The following NCKAP5 variants were observed in gnomAD, a reference collection of about 807,000 sequenced individuals.
NCKAP5 encodes nck-associated protein 5.
Under a neutral mutation model 167.0 loss-of-function variants are expected in NCKAP5, and 92 were observed. That is an observed-to-expected ratio of 0.55 (90% CI 0.47 to 0.66). The LOEUF (loss-of-function observed/expected upper bound fraction) is 0.66, where lower values mean the gene tolerates loss of function less well. Ranked by LOEUF, NCKAP5 falls within the 30% of genes least tolerant of loss-of-function variation. The pLI is 0.00. For missense variants in NCKAP5, 2,378 were observed against 2,315.0 expected (o/e 1.03, Z -0.56); for synonymous variants, 891 against 877.4 (o/e 1.02, Z -0.27).
chr2:133,204,057 A>T (rs2085832424), intron 5 of NCKAP5, among the ~76,000 whole-genome samples: 1 of 152,162 alleles, frequency 6.6e-6, no homozygotes, highest in African/African-American at 2.4e-5. Flanking sequence ...ACAGTTTATG[A>T]CCCTAGTGTC....
intron 3 of NCKAP5, among the ~76,000 whole-genome samples, chr2:133,501,651 G>A (rs552850716): frequency 1.3e-5 from 2 of 152,216 alleles, no homozygotes; most frequent in Non-Finnish European, 2.9e-5. Context: ...TTCAGTCAAT[G>A]TGTTAGTTAG....
intron 2 of NCKAP5, among the ~76,000 whole-genome samples, chr2:133,551,998 T>C (rs929570913): frequency 1.5e-5 from 2 of 131,130 alleles, no homozygotes; most frequent in African/African-American, 3.1e-5. Context: ...GAAAAAATGC[T>C]CATCATCACT....
intron 3 of NCKAP5, among the ~76,000 whole-genome samples, chr2:133,413,602 A>G (rs752586383): frequency 1.1e-5 from 1 of 92,906 alleles, no homozygotes; most frequent in Admixed American, 1.1e-4. Flanking sequence ...AAAACCAGGT[A>G]AAAAAAAAAA....
chr2:132,922,267 A>G (rs1362610002), intron 8 of NCKAP5, among the ~76,000 whole-genome samples: 2 of 152,160 alleles, frequency 1.3e-5, no homozygotes, highest in Admixed American at 6.5e-5. Context: ...TCAGAGACCA[A>G]GAAACTTTGA....
chr2:132,966,003 C>T (rs369684736), intron 7 of NCKAP5, among the ~76,000 whole-genome samples: 2 of 151,394 alleles, frequency 1.3e-5, no homozygotes, highest in East Asian at 1.9e-4. Context: ...AAAGAAAAGC[C>T]ATTGGGGTGG....
At chr2:133,614,331 T>G in the NCKAP5 span, among the ~76,000 whole-genome samples, 11 of 152,074 alleles carry the variant, frequency 7.2e-5, no homozygotes, top group African/African-American at 2.7e-4. Context: ...GAAGAAGGCT[T>G]CAGAAGATCA....
intron 3 of NCKAP5, among the ~76,000 whole-genome samples, chr2:133,315,633 A>G (rs1681549907): frequency 7.5e-6 from 1 of 134,026 alleles, no homozygotes; most frequent in Non-Finnish European, 1.5e-5. Flanking sequence ...TTGAGAGGAG[A>G]AAAAAAAAAA....
At chr2:133,468,502 A>C (rs1692778057) in intron 3 of NCKAP5, among the ~76,000 whole-genome samples, 1 of 151,700 alleles carries the variant, frequency 6.6e-6, no homozygotes. Context: ...TTTGGGGTGG[A>C]GAGTTCTGTA....
chr2:133,355,422 A>G (rs1198899801), intron 3 of NCKAP5, among the ~76,000 whole-genome samples: 1 of 152,230 alleles, frequency 6.6e-6, no homozygotes, highest in Non-Finnish European at 1.5e-5. Context: ...TTCTCAAGAT[A>G]TAAGATGCTA....
intron 5 of NCKAP5, among the ~76,000 whole-genome samples, chr2:133,148,675 C>G (rs986876073): frequency 9.2e-5 from 14 of 152,202 alleles, no homozygotes; most frequent in African/African-American, 3.4e-4. Flanking sequence ...GGTGAGGGCT[C>G]TCTTCCTGGT....
chr2:133,303,207 A>G (rs757655581), intron 3 of NCKAP5, 97 bp from the exon 4 acceptor site: 33 of 776,676 alleles, frequency 4.2e-5, no homozygotes, highest in Non-Finnish European at 6.2e-5. Flanking sequence ...TTTTGACAAC[A>G]TTATCCCTAC....
At chr2:133,317,222 A>T (rs771883191) in intron 3 of NCKAP5, among the ~76,000 whole-genome samples, 6 of 152,192 alleles carry the variant, frequency 3.9e-5, no homozygotes, top group Non-Finnish European at 8.8e-5. Context: ...GATTGACAAA[A>T]GCTGCAAAAC....
chr2:133,115,041 G>T (rs139158486), intron 6 of NCKAP5, among the ~76,000 whole-genome samples: 1 of 152,128 alleles, frequency 6.6e-6, no homozygotes, highest in Admixed American at 6.5e-5. Flanking sequence ...GGATGATTTA[G>T]TTACAGGTCT....
At chr2:133,160,321 T>C (rs2083734163) in intron 5 of NCKAP5, among the ~76,000 whole-genome samples, 1 of 151,586 alleles carries the variant, frequency 6.6e-6, no homozygotes, top group South Asian at 2.1e-4. Context: ...TGTACATTTA[T>C]AGGGTTCACT....
chr2:132,822,015 G>T (rs1686781165), intron 11 of NCKAP5, among the ~76,000 whole-genome samples: 1 of 152,114 alleles, frequency 6.6e-6, no homozygotes, highest in African/African-American at 2.4e-5. Context: ...AAAATACTCT[G>T]GCCATCTTAG....
At chr2:132,939,289 C>G (rs1005781477) in intron 8 of NCKAP5, among the ~76,000 whole-genome samples, 3 of 152,160 alleles carry the variant, frequency 2.0e-5, no homozygotes, top group African/African-American at 7.2e-5. Flanking sequence ...AGGCATTCTA[C>G]AGAACAGATA....
chr2:133,451,192 T>C (rs1691529594), intron 3 of NCKAP5, among the ~76,000 whole-genome samples: 1 of 152,150 alleles, frequency 6.6e-6, no homozygotes, highest in Non-Finnish European at 1.5e-5. Context: ...TAGAGCCTAA[T>C]CAGATACTTA....
chr2:132,829,746 C>T (rs1469393053), intron 11 of NCKAP5, among the ~76,000 whole-genome samples: 3 of 152,222 alleles, frequency 2.0e-5, no homozygotes, highest in East Asian at 1.9e-4. Flanking sequence ...AGGGTGGGCC[C>T]GAGAACTTGC....
chr2:133,021,533 C>T (rs2078527606), intron 6 of NCKAP5, among the ~76,000 whole-genome samples: 1 of 152,246 alleles, frequency 6.6e-6, no homozygotes, highest in Non-Finnish European at 1.5e-5. Flanking sequence ...CACATCTACT[C>T]ACATATGTGT....
Sources: gnomAD v4.1 joint callset for allele counts (sites outside exome capture counted in the v4.1 genomes callset) on GRCh38, gnomAD v4.1.1 for gene constraint, MANE v1.5 for transcripts, NCBI Gene and HGNC (gene_info 2026-07-23, HGNC 2026-07-21) for gene names.